Variants in LARGE1 observed in about 807,000 individuals in gnomAD.
LARGE1 encodes LARGE xylosyl- and glucuronyltransferase 1, also known as xylosyl- and glucuronyltransferase LARGE1.
In LARGE1, 43 loss-of-function variants were observed where a neutral mutation model predicts 87.6. The observed-to-expected ratio is 0.49, with a 90% CI of 0.38 to 0.63. The LOEUF is 0.63. Among genes scored for constraint, LARGE1 ranks in the 30% least tolerant of loss-of-function variants. LARGE1 has a pLI of 0.00. For missense variants in LARGE1, 802 were observed against 1,000.2 expected, an observed-to-expected ratio of 0.80 and a Z score of 2.67; for synonymous variants, 434 against 394.6, an observed-to-expected ratio of 1.10 and a Z score of -1.18.
intron 1 of LARGE1, among the ~76,000 whole-genome samples, chr22:33,909,500 T>TA (rs1236674393): frequency 6.6e-6 from 1 of 151,090 alleles, no homozygotes; most frequent in African/African-American, 2.4e-5. Context: ...CCACAGCCCC[T>TA]AACTCACCAA....
At chr22:33,176,895 T>C (rs1922903166) in intron 11 of LARGE1, among the ~76,000 whole-genome samples, 1 of 152,122 alleles carries the variant, frequency 6.6e-6, no homozygotes, top group African/African-American at 2.4e-5. Context: ...TAGCAAAAAC[T>C]TGGAACTAAC....
Position 33,215,403 on chromosome 22 carries a change from A to C in LARGE1, c.1731-48571T>G, listed in dbSNP as rs146174642. ...TAACAGGTTGTTTCTATTTTTGCCC[A>C]TTTTCCTATAGGGATGTTTATCTTT... On this transcript the variant is annotated intron_variant, in intron 11 of 11. Coordinates refer to the LARGE1 transcript ENST00000608642. Among the ~76,000 whole-genome samples, 8 of 152,160 alleles carry C rather than the reference A, an allele frequency of 5.3e-5. No individual in the cohort carries two copies. In the East Asian group the frequency reaches 9.6e-4, roughly 18 times the overall value.
intron 2 of LARGE1, among the ~76,000 whole-genome samples, chr22:33,747,171 C>T (rs1257502699): frequency 5.3e-5 from 8 of 152,174 alleles, no homozygotes; most frequent in Admixed American, 5.2e-4. Flanking sequence ...TGATTAGCAG[C>T]TAAAGGCAAG....
chr22:33,865,067 A>G (rs1345761095), intron 1 of LARGE1, among the ~76,000 whole-genome samples: 1 of 152,228 alleles, frequency 6.6e-6, no homozygotes, highest in Non-Finnish European at 1.5e-5. Context: ...CACTGTTATC[A>G]TAAAGTACTG....
intron 9 of LARGE1, among the ~76,000 whole-genome samples, chr22:33,369,570 CTTTTTT>C (rs1386087291): frequency 1.3e-5 from 2 of 151,386 alleles, no homozygotes; most frequent in African/African-American, 4.9e-5. Context: ...TTTTCTTTTT[CTTTTTT>C]ATTTTTGAGA....
At chr22:33,420,313 G>T (rs1410131517) in intron 7 of LARGE1, among the ~76,000 whole-genome samples, 1 of 152,140 alleles carries the variant, frequency 6.6e-6, no homozygotes, top group Non-Finnish European at 1.5e-5. Context: ...ATTCAGGGTG[G>T]TATGGCCATA....
chr22:33,502,018 C>A (rs968581294), intron 6 of LARGE1, among the ~76,000 whole-genome samples: 2 of 151,938 alleles, frequency 1.3e-5, no homozygotes, highest in African/African-American at 4.8e-5. Context: ...CGTGGTGAAA[C>A]CCCATCTCTC....
chr22:33,609,434 G>A (rs561524534), intron 4 of LARGE1, among the ~76,000 whole-genome samples: 1 of 152,332 alleles, frequency 6.6e-6, no homozygotes, highest in South Asian at 2.1e-4. Context: ...ACATGGTGGT[G>A]AGGGTGAAAG....
chr22:33,253,907 G>GT lies in LARGE1; in HGVS notation c.1730+50321_1730+50322insA, dbSNP rs1568990975. Reference sequence around the variant, plus strand: ...TCCCAATTTTCATTCTTTCCTTCTTGGTTTTTTTTTTTTTTTAGTAAAAGA... The same window carrying GT: ...TCCCAATTTTCATTCTTTCCTTCTTGTGTTTTTTTTTTTTTTTAGTAAAAGA... On this transcript the variant is annotated intron_variant, in intron 11 of 11. Transcript: ENST00000608642. Among the ~76,000 whole-genome samples, 218 of 55,704 alleles carry GT rather than the reference G, an allele frequency of 3.9e-3. 5 individuals are homozygous for GT. The East Asian group carries it at 0.11, about 29-fold the overall frequency. The allele number at this position is 55,704 out of a possible 152,430, so 36.5% of individuals were successfully genotyped here. A position where few individuals can be genotyped will look rare whatever the true frequency, so the allele number is the denominator to read the frequency against.
chr22:33,825,581 G>T (rs1373515546), intron 1 of LARGE1, among the ~76,000 whole-genome samples: 1 of 152,114 alleles, frequency 6.6e-6, no homozygotes, highest in African/African-American at 2.4e-5. Context: ...AAAACTATCA[G>T]ATCTCGTGAG....
At chr22:33,370,489 T>C (rs191785459) in intron 9 of LARGE1, among the ~76,000 whole-genome samples, 3 of 152,340 alleles carry the variant, frequency 2.0e-5, no homozygotes, top group East Asian at 3.9e-4. Context: ...TAGCCTTCAC[T>C]AGATTAGCAT....
chr22:33,119,101 C>T, the LARGE1 span, among the ~76,000 whole-genome samples: 7,268 of 152,212 alleles, frequency 0.048, 195 homozygotes, highest in Middle Eastern at 0.089. Flanking sequence ...TGAGGTCTCT[C>T]GAGAGTTTTG....
At chr22:33,298,374 A>G (rs1429888617) in intron 12 of LARGE1, among the ~76,000 whole-genome samples, 1 of 152,250 alleles carries the variant, frequency 6.6e-6, no homozygotes, top group Non-Finnish European at 1.5e-5. Context: ...TGTTTCGGGC[A>G]TTCCTGGGTG....
chr22:33,221,173 G>GAA (rs1364900560), intron 11 of LARGE1, among the ~76,000 whole-genome samples: 1 of 151,824 alleles, frequency 6.6e-6, no homozygotes, highest in African/African-American at 2.4e-5. Context: ...GTTAAAAAGA[G>GAA]AGAGAGAGAG....
At chr22:33,588,540 C>A (rs923758822) in intron 5 of LARGE1, among the ~76,000 whole-genome samples, 1 of 152,058 alleles carries the variant, frequency 6.6e-6, no homozygotes, top group Non-Finnish European at 1.5e-5. Context: ...TGTGTGCGCA[C>A]GCACGCATAT....
At chr22:33,888,327 G>A (rs983476380) in intron 1 of LARGE1, among the ~76,000 whole-genome samples, 1 of 152,056 alleles carries the variant, frequency 6.6e-6, no homozygotes, top group Non-Finnish European at 1.5e-5. Flanking sequence ...AACACTGTTT[G>A]AGAAACAAAC....
intron 1 of LARGE1, among the ~76,000 whole-genome samples, chr22:33,826,662 C>T (rs963484383): frequency 2.6e-5 from 4 of 152,018 alleles, no homozygotes; most frequent in Non-Finnish European, 5.9e-5. Flanking sequence ...TATAAGGAGA[C>T]ATGTGATTGC....
At chr22:33,406,582 T>A (rs962864019) in intron 7 of LARGE1, among the ~76,000 whole-genome samples, 1 of 152,128 alleles carries the variant, frequency 6.6e-6, no homozygotes, top group African/African-American at 2.4e-5. Flanking sequence ...ACTTTAGATC[T>A]CATTCAGTCT....
chr22:33,187,397 A>C (rs1213443272), intron 11 of LARGE1, among the ~76,000 whole-genome samples: 2 of 152,186 alleles, frequency 1.3e-5, no homozygotes, highest in Non-Finnish European at 2.9e-5. Flanking sequence ...TAGAAAGACA[A>C]ATACTGCATG....
Sources: allele counts gnomAD v4.1 joint callset (sites outside exome capture counted in the v4.1 genomes callset), GRCh38; gene constraint gnomAD v4.1.1; transcripts MANE v1.5; gene names NCBI Gene and HGNC (gene_info 2026-07-23, HGNC 2026-07-21).